The following GALNT6 variants were observed in gnomAD, a reference collection of about 807,000 sequenced individuals.
The protein encoded by GALNT6 is polypeptide N-acetylgalactosaminyltransferase 6, also known as GalNAc transferase 6.
In GALNT6, 51 loss-of-function variants were observed where a neutral mutation model predicts 65.9. The ratio of observed to expected loss-of-function variants is 0.77; its 90% CI spans 0.62 to 0.98. GALNT6 has a LOEUF of 0.98. Among genes scored for constraint, GALNT6 ranks in the 50% least tolerant of loss-of-function variants. GALNT6 has a pLI of 0.00. For synonymous variants in GALNT6, 323 were observed against 315.1 expected, an observed-to-expected ratio of 1.02 and a Z score of -0.26; for missense variants, 708 against 803.3, an observed-to-expected ratio of 0.88 and a Z score of 1.43.
rs186101408 is a variant in GALNT6, at chr12:51,361,745, C to T, written c.1050-907G>A. On this transcript the variant is annotated intron_variant, in intron 6 of 11. Transcript: ENST00000356317. ...CAAGATGGAATGCTGGGGTGGGGGC[C>T]GGTGAGACATGGCAGGAGCACAATC... Among the ~76,000 whole-genome samples, 226 of 151,918 alleles carry T rather than the reference C, an allele frequency of 1.5e-3. 1 individual carries two copies. Among genetic ancestry groups the T allele is most frequent in the African/African-American group, 5.1e-3 (212 of 41,430 alleles).
intron 4 of GALNT6, among the ~76,000 whole-genome samples, chr12:51,372,506 G>A (rs1947322541): frequency 6.6e-6 from 1 of 152,210 alleles, no homozygotes; most frequent in African/African-American, 2.4e-5. Context: ...AGTGCGTCCT[G>A]ACCATGCAGA....
Position 51,354,245 on chromosome 12 carries a change from C to G in GALNT6, c.*134G>C. ...ATGTTGTTGCAAGGATTAGGAAGGT[C>G]CTGCCTTGCCACCCAGTGGGTTTAG... On this transcript the variant is annotated 3_prime_UTR_variant, in exon 12 of 12. Coordinates refer to ENST00000356317, the MANE Select transcript of GALNT6 (RefSeq NM_007210.4). 1.8e-6 allele frequency: 1 copy of G among 558,934 alleles called. No homozygotes were observed. The allele number at this position is 558,934 out of a possible 1,614,324, so 34.6% of individuals were successfully genotyped here. A position where few individuals can be genotyped will look rare whatever the true frequency, so the allele number is the denominator to read the frequency against.
intron 9 of GALNT6, among the ~76,000 whole-genome samples, chr12:51,357,740 A>G: frequency 6.6e-6 from 1 of 152,038 alleles, no homozygotes; most frequent in Middle Eastern, 3.2e-3. Flanking sequence ...AGCACGTGGG[A>G]GTTTCCTTAT....
chr12:51,355,815 T>A lies in GALNT6; in HGVS notation c.1746A>T (p.Glu582Asp). The change falls in exon 11 of 12, where the codon GAA becomes GAT. Residue 582 changes from glutamate to aspartate, a missense_variant. Physicochemically the swap from Glu to Asp is conservative, Grantham distance 45. Coordinates refer to ENST00000356317, the MANE Select transcript of GALNT6 (RefSeq NM_007210.4). ...NSQVPKDEEWELAQDQLIRNS... is the reference protein window; with the variant it reads ...NSQVPKDEEWDLAQDQLIRNS... ...CTGGACACTGACTCACCTGGGCCAA[T>A]TCCCATTCCTCGTCCTTGGGGACCT... The A allele has an allele frequency of 1.2e-6, 2 of 1,612,956 alleles. No homozygotes were observed. Among genetic ancestry groups the A allele is most frequent in the Non-Finnish European group, 1.7e-6 (2 of 1,179,476 alleles).
rs779685596 is a variant in GALNT6 at position 51,354,401 on chromosome 12, T to C, written c.1847A>G (p.His616Arg). ...GTCCTAGACAAAGAGCCACAACTGA[T>C]GGGGGTCACTGGGATTGCAGGGGGC... ...AMAPCNPSDP[H>R]QLWLFV Residue 616 changes from histidine to arginine, a missense_variant, in exon 12 of 12, where the codon CAT becomes CGT. His to Arg is a conservative substitution (Grantham distance 29, BLOSUM62 0). Transcript: ENST00000356317. 9.5e-6 allele frequency: 15 copies of C among 1,573,138 alleles called. No individual in the cohort carries two copies. The highest frequency in any genetic ancestry group is 1.3e-5 in the Non-Finnish European group (15 of 1,163,596).
At chr12:51,358,343 C>A in intron 8 of GALNT6, 82 bp from the exon 9 acceptor site, 1 of 1,501,166 alleles carries the variant, frequency 6.7e-7, no homozygotes. Context: ...CTCTGTTGCC[C>A]AGGCTGGAGT....
Position 51,354,403 on chromosome 12 carries a change from G to A in GALNT6, c.1845C>T (p.Pro615=), listed in dbSNP as rs943709319. 6.4e-6 allele frequency: 10 copies of A among 1,574,720 alleles called. No homozygotes were observed. Among genetic ancestry groups the A allele is most frequent in the Non-Finnish European group, 8.6e-6 (10 of 1,164,376 alleles). Residue 615 remains proline, a synonymous_variant, in exon 12 of 12, where the codon CCC becomes CCT. Coordinates refer to ENST00000356317, the MANE Select transcript of GALNT6 (RefSeq NM_007210.4). ...CCTAGACAAAGAGCCACAACTGATG[G>A]GGGTCACTGGGATTGCAGGGGGCCA... ...PAMAPCNPSD[P]HQLWLFV is the part of the protein sequence containing the mutation.
At position 51,354,425 on chromosome 12, in the gene GALNT6, G is replaced by A. The variant is rs947867915; in HGVS notation, c.1823C>T (p.Ala608Val). The A allele has an allele frequency of 6.3e-7, 1 of 1,591,686 alleles. No homozygotes were observed. The highest frequency in any genetic ancestry group is 1.8e-5 in the Admixed American group (1 of 55,136). The change falls in exon 12 of 12, where the codon GCC becomes GTC. Residue 608 changes from alanine to valine, a missense_variant. Transcript: ENST00000356317. ...ATGGGGGTCACTGGGATTGCAGGGGGCCATGGCTGGCTTTTTGTCCTGGGA... is the reference window on the plus strand; with the variant it reads ...ATGGGGGTCACTGGGATTGCAGGGGACCATGGCTGGCTTTTTGTCCTGGGA... Reference protein sequence around the residue: ...LTSQDKKPAMAPCNPSDPHQL... With the variant: ...LTSQDKKPAMVPCNPSDPHQL...
At chr12:51,368,626 G>A (rs186685957) in intron 4 of GALNT6, among the ~76,000 whole-genome samples, 2 of 151,982 alleles carry the variant, frequency 1.3e-5, no homozygotes, top group East Asian at 3.9e-4. Context: ...GGCTGGTCTC[G>A]AATTCCTGAC....
At position 51,379,835 on chromosome 12, in the gene GALNT6, C is replaced by A. The variant is rs780633956; in HGVS notation, c.-54G>T. On this transcript the variant is annotated 5_prime_UTR_variant, in exon 3 of 12. Coordinates refer to ENST00000356317, the MANE Select transcript of GALNT6 (RefSeq NM_007210.4). Reference sequence around the variant, plus strand: ...CGTCAGCTCTGAGTCCTGAGCCCAACCCTGGAGATAGCTTGATACGTTGTG... The same window carrying A: ...CGTCAGCTCTGAGTCCTGAGCCCAAACCTGGAGATAGCTTGATACGTTGTG... 8.5e-6 allele frequency: 13 copies of A among 1,524,228 alleles called. No homozygotes were observed. The highest frequency in any genetic ancestry group is 1.4e-5 in the African/African-American group (1 of 72,706). The allele number at this position is 1,524,228 out of a possible 1,614,324, so 94.4% of individuals were successfully genotyped here.
intron 7 of GALNT6, chr12:51,360,371 G>T: frequency 6.1e-6 from 1 of 163,338 alleles, no homozygotes; most frequent in Non-Finnish European, 1.3e-5. Flanking sequence ...TTTTTTTCTA[G>T]CCCTAGTTGT....
rs1333161694 is a variant in GALNT6 at position 51,358,110 on chromosome 12, G to A, written c.1500+20C>T. On this transcript the variant is annotated intron_variant, in intron 9 of 11. Transcript: ENST00000356317. ...GGGGTGCTGTGGTGATGGGCAGGCA[G>A]GTTGGTTCTCAAGACTTACGGCACC... 3 of 1,609,048 alleles carry A rather than the reference G, an allele frequency of 1.9e-6. No individual in the cohort carries two copies. The highest frequency in any genetic ancestry group is 2.6e-6 in the Non-Finnish European group (3 of 1,175,784).
At chr12:51,368,839 C>T (rs189074484) in intron 4 of GALNT6, among the ~76,000 whole-genome samples, 22 of 152,322 alleles carry the variant, frequency 1.4e-4, no homozygotes, top group Admixed American at 1.2e-3. Context: ...AATGAGGCCT[C>T]TTATCTCTGG....
intron 4 of GALNT6, among the ~76,000 whole-genome samples, chr12:51,376,872 G>T (rs899894837): frequency 2.6e-5 from 4 of 152,092 alleles, no homozygotes; most frequent in African/African-American, 9.7e-5. Context: ...GTGGCCCAGC[G>T]GGTAGGAAAC....
At chr12:51,356,045 C>T in intron 10 of GALNT6, 87 bp from the exon 11 acceptor site, 2 of 1,239,032 alleles carry the variant, frequency 1.6e-6, no homozygotes, top group South Asian at 1.3e-5. Flanking sequence ...CATGCATGGT[C>T]TCCTGGGGAG....
intron 3 of GALNT6, 113 bp from the exon 4 acceptor site, chr12:51,377,480 C>T (rs1947502701): frequency 2.0e-5 from 16 of 816,504 alleles, no homozygotes; most frequent in Non-Finnish European, 3.2e-5. Context: ...TGAACCACAG[C>T]CTACATTCTC....
intron 3 of GALNT6, among the ~76,000 whole-genome samples, chr12:51,377,617 C>G (rs1475182759): frequency 6.6e-6 from 1 of 152,138 alleles, no homozygotes; most frequent in Non-Finnish European, 1.5e-5. Flanking sequence ...GCTCAGTGCC[C>G]CAGCTGTGAT....
chr12:51,363,246 G>T (rs900007439), intron 6 of GALNT6, among the ~76,000 whole-genome samples: 1 of 152,162 alleles, frequency 6.6e-6, no homozygotes, highest in South Asian at 2.1e-4. Flanking sequence ...TGAGACAACT[G>T]TTAAAATAAA....
At chr12:51,378,875 A>T in intron 3 of GALNT6, among the ~76,000 whole-genome samples, 1 of 130,240 alleles carries the variant, frequency 7.7e-6, no homozygotes, top group East Asian at 3.6e-4. Context: ...GCTGTTAAGA[A>T]ATGCCCACCC....
Sources: allele counts gnomAD v4.1 joint callset (sites outside exome capture counted in the v4.1 genomes callset), GRCh38; gene constraint gnomAD v4.1.1; transcripts MANE v1.5; gene names NCBI Gene and HGNC (gene_info 2026-07-23, HGNC 2026-07-21).